HS3ST5: variants seen among roughly 807,000 people sequenced by gnomAD.
HS3ST5 encodes heparan sulfate glucosamine 3-O-sulfotransferase 5.
HS3ST5 carries 10 observed loss-of-function variants against 25.4 expected under a neutral mutation model. The ratio of observed to expected loss-of-function variants is 0.39; its 90% CI spans 0.24 to 0.67. The LOEUF (loss-of-function observed/expected upper bound fraction) is 0.67, where lower values mean the gene tolerates loss of function less well. Ranked by LOEUF, HS3ST5 falls within the 30% of genes least tolerant of loss-of-function variation. HS3ST5 has a pLI of 0.44. For missense variants in HS3ST5, 324 were observed against 420.7 expected (o/e 0.77, Z 2.01); for synonymous variants, 170 against 162.4 (o/e 1.05, Z -0.36).
chr6:114,330,035 T>G (rs1776330009), intron 1 of HS3ST5, among the ~76,000 whole-genome samples: 2 of 152,196 alleles, frequency 1.3e-5, no homozygotes, highest in Non-Finnish European at 2.9e-5. Context: ...GGGTAAGAGA[T>G]GCACAGTCCG....
chr6:114,207,556 G>A (rs1781325991), intron 2 of HS3ST5, among the ~76,000 whole-genome samples: 1 of 152,066 alleles, frequency 6.6e-6, no homozygotes, highest in South Asian at 2.1e-4. Context: ...ACTGTTTCAT[G>A]CCAAGCATTC....
intron 1 of HS3ST5, among the ~76,000 whole-genome samples, chr6:114,327,384 G>T (rs1776214941): frequency 6.6e-6 from 1 of 152,154 alleles, no homozygotes; most frequent in Non-Finnish European, 1.5e-5. Context: ...GAAGAAGTTT[G>T]GCAGATCTGC....
intron 1 of HS3ST5, among the ~76,000 whole-genome samples, chr6:114,254,584 C>T (rs1257078557): frequency 7.9e-5 from 12 of 152,016 alleles, no homozygotes; most frequent in Admixed American, 5.2e-4. Context: ...AAGACGTACC[C>T]GAGAGTGGGA....
At chr6:114,178,726 CT>C (rs1779833134) in intron 2 of HS3ST5, 1 of 152,122 alleles carries the variant, frequency 6.6e-6, no homozygotes, top group Non-Finnish European at 1.5e-5. Context: ...TCAAGGTATA[CT>C]TCTGTTTAGG....
intron 1 of HS3ST5, among the ~76,000 whole-genome samples, chr6:114,278,427 C>G (rs925952884): frequency 6.6e-6 from 1 of 151,948 alleles, no homozygotes; most frequent in African/African-American, 2.4e-5. Flanking sequence ...AGAAAAATTT[C>G]TCCCAAATAA....
chr6:114,306,255 A>ATATATG (rs746045586), intron 1 of HS3ST5, among the ~76,000 whole-genome samples: 47 of 123,754 alleles, frequency 3.8e-4, no homozygotes, highest in Non-Finnish European at 5.6e-4. Context: ...ATATATATAT[A>ATATATG]TACACACACA....
chr6:114,101,217 T>G (rs946504976), intron 3 of HS3ST5, among the ~76,000 whole-genome samples: 1 of 152,202 alleles, frequency 6.6e-6, no homozygotes, highest in Non-Finnish European at 1.5e-5. Flanking sequence ...ACAAAAGGGT[T>G]ATTAAGCCGA....
intron 2 of HS3ST5, among the ~76,000 whole-genome samples, 183 bp downstream of exon 2, chr6:114,228,402 A>T (rs1406243648): frequency 2.0e-5 from 3 of 152,168 alleles, no homozygotes; most frequent in Non-Finnish European, 2.9e-5. Context: ...GACAGATAAC[A>T]ATTTTTAAAC....
intron 4 of HS3ST5, 84 bp downstream of exon 4, chr6:114,062,655 G>A (rs1773197395): frequency 2.4e-6 from 2 of 818,316 alleles, no homozygotes; most frequent in Non-Finnish European, 2.0e-6. Flanking sequence ...AAAAACAAGT[G>A]GATAGACTTA....
chr6:114,179,864 C>T (rs538773743), intron 2 of HS3ST5, among the ~76,000 whole-genome samples: 62 of 152,060 alleles, frequency 4.1e-4, no homozygotes, highest in African/African-American at 1.5e-3. Context: ...GGCTGAAGGC[C>T]GGAGAGCCCC....
intron 3 of HS3ST5, among the ~76,000 whole-genome samples, chr6:114,147,308 A>G (rs1426210786): frequency 6.6e-6 from 1 of 152,156 alleles, no homozygotes; most frequent in African/African-American, 2.4e-5. Flanking sequence ...TTGCAGCTAA[A>G]TGTGGCCATG....
chr6:114,251,902 A>G (rs1226055267), intron 1 of HS3ST5: 4 of 152,178 alleles, frequency 2.6e-5, no homozygotes, highest in Non-Finnish European at 5.9e-5. Context: ...ATGACAATAA[A>G]TTGTCTTTAC....
intron 1 of HS3ST5, chr6:114,230,079 C>A (rs934250298): frequency 6.7e-6 from 1 of 148,172 alleles, no homozygotes; most frequent in African/African-American, 2.5e-5. Context: ...TTTCATGATG[C>A]AGAGTCAAAA....
At chr6:114,170,531 C>T (rs937634376) in intron 2 of HS3ST5, among the ~76,000 whole-genome samples, 2 of 152,150 alleles carry the variant, frequency 1.3e-5, no homozygotes, top group Non-Finnish European at 2.9e-5. Flanking sequence ...AACTACAGTA[C>T]TGTCAGTTGG....
intron 1 of HS3ST5, among the ~76,000 whole-genome samples, chr6:114,257,613 G>T (rs1772989288): frequency 6.6e-6 from 1 of 152,102 alleles, no homozygotes; most frequent in Non-Finnish European, 1.5e-5. Context: ...GAATACCCTG[G>T]TTGAGGCAAC....
rs375705246 is a variant in HS3ST5, at chr6:114,330,543, T to C, written c.-339+11652A>G. Among the ~76,000 whole-genome samples, 38 of 152,326 alleles carry C rather than the reference T, an allele frequency of 2.5e-4. No individual in the cohort carries two copies. In the East Asian group the frequency reaches 3.9e-3, roughly 15 times the overall value. On this transcript the variant is annotated intron_variant, in intron 1 of 4. Coordinates refer to ENST00000312719, the MANE Select transcript of HS3ST5 (RefSeq NM_153612.4). ...GGCCAAAGGTATGCGTCCAACCTTC[T>C]GGTTTAGTGATGGTTACAATGGGGA...
intron 3 of HS3ST5, among the ~76,000 whole-genome samples, chr6:114,154,181 C>G (rs1778590065): frequency 6.6e-6 from 1 of 152,158 alleles, no homozygotes; most frequent in African/African-American, 2.4e-5. Flanking sequence ...TGGAATGGTT[C>G]ATTTCTTGGC....
At chr6:114,193,925 T>C (rs1780620233) in intron 2 of HS3ST5, among the ~76,000 whole-genome samples, 1 of 152,166 alleles carries the variant, frequency 6.6e-6, no homozygotes, top group South Asian at 2.1e-4. Context: ...GAATAGCTGT[T>C]TCACAGCCCA....
rs1327248411 is a variant in HS3ST5, at chr6:114,169,309, A to C, written c.-144-847T>G. On this transcript the variant is annotated intron_variant, in intron 2 of 4. Coordinates refer to ENST00000312719, the MANE Select transcript of HS3ST5 (RefSeq NM_153612.4). The stretch of plus-strand genomic sequence containing the variant: ...TAGGGTACAACACACACACACACAC[A>C]GACAATCTCTTTCAAGTAAAGAAAA... 1.3e-5 allele frequency among the ~76,000 whole-genome samples: 2 copies of C among 151,872 alleles called. 1 individual carries two copies. The highest frequency in any genetic ancestry group is 6.3e-3 in the Middle Eastern group (2 of 316).
Sources: allele counts gnomAD v4.1 joint callset (sites outside exome capture counted in the v4.1 genomes callset), GRCh38; gene constraint gnomAD v4.1.1; transcripts MANE v1.5; gene names NCBI Gene and HGNC (gene_info 2026-07-23, HGNC 2026-07-21).